Variants in SH2B2 observed in about 807,000 individuals in gnomAD.
SH2B2 encodes SH2B adapter protein 2.
A neutral mutation model predicts 35.7 loss-of-function variants in SH2B2; 37 were observed. The observed-to-expected ratio is 1.04, with a 90% CI of 0.80 to 1.36. The LOEUF (loss-of-function observed/expected upper bound fraction) is 1.36. Among genes scored for constraint, SH2B2 ranks in the 40% most tolerant of loss-of-function variants. The pLI, the probability that SH2B2 is intolerant of heterozygous loss-of-function variation, is 0.00. For synonymous variants in SH2B2, 383 were observed against 376.4 expected, an observed-to-expected ratio of 1.02 and a Z score of -0.20; for missense variants, 852 against 817.7, an observed-to-expected ratio of 1.04 and a Z score of -0.51.
At chr7:102,300,380 G>C (rs1793097755) in intron 1 of SH2B2, 142 bp from the exon 2 acceptor site, 2 of 1,089,814 alleles carry the variant, frequency 1.8e-6, no homozygotes, top group African/African-American at 1.7e-5. Flanking sequence ...ATGGCTGCCT[G>C]CTGTAGTCCC....
At chr7:102,285,487 C>T (rs1792409411), upstream of SH2B2, among the ~76,000 whole-genome samples, 1 of 152,226 alleles carries the variant, frequency 6.6e-6, no homozygotes, top group South Asian at 2.1e-4. Context: ...TGGCCTGGTC[C>T]TGCGGAGGGA....
At chr7:102,285,453 C>A (rs10253649), upstream of SH2B2, among the ~76,000 whole-genome samples, 9,462 of 152,222 alleles carry the variant, frequency 0.062, 585 homozygotes, top group African/African-American at 0.16. Flanking sequence ...GGCCCACTGC[C>A]GAAGCTTTCA....
intron 4 of SH2B2, chr7:102,309,330 A>T: frequency 2.9e-6 from 1 of 345,030 alleles, no homozygotes; most frequent in Non-Finnish European, 5.6e-6. Flanking sequence ...TGGGCAACAT[A>T]GCCAGACCCT....
At chr7:102,315,759 AAAAG>A (rs1793805622) in intron 6 of SH2B2, among the ~76,000 whole-genome samples, 5 of 144,580 alleles carry the variant, frequency 3.5e-5, no homozygotes, top group South Asian at 2.1e-4. Context: ...AAAAAAAAAA[AAAAG>A]AAAAGAAAAG....
At position 102,320,512 on chromosome 7, in the gene SH2B2, C is replaced by T. The variant is rs782351021; in HGVS notation, c.1567+10C>T. 2.5e-6 allele frequency: 4 copies of T among 1,611,142 alleles called. No homozygotes were observed. Among genetic ancestry groups the T allele is most frequent in the African/African-American group, 1.3e-5 (1 of 74,850 alleles). ...CAGGACCCCCCACCAGGTAAGATGC[C>T]GCCACCTGGCTGGTGTGATTACTCA... On this transcript the variant is annotated intron_variant, in intron 8 of 8. Transcript: ENST00000444095.
At chr7:102,288,350 T>C (rs1025667542) in intron 1 of SH2B2, among the ~76,000 whole-genome samples, 1 of 152,056 alleles carries the variant, frequency 6.6e-6, no homozygotes, top group Non-Finnish European at 1.5e-5. Flanking sequence ...TAGGCTAGTG[T>C]GGATCAGGGC....
intron 1 of SH2B2, among the ~76,000 whole-genome samples, chr7:102,295,581 G>A (rs1192728721): frequency 6.6e-6 from 1 of 152,188 alleles, no homozygotes; most frequent in Non-Finnish European, 1.5e-5. Flanking sequence ...CGCACTCTCT[G>A]TGTCAGATGG....
intron 4 of SH2B2, 49 bp from the exon 5 acceptor site, chr7:102,314,287 G>A (rs933820120): frequency 2.3e-5 from 9 of 398,460 alleles, no homozygotes; most frequent in Non-Finnish European, 3.1e-5. Context: ...CCTGTGGTCC[G>A]AGTCCAAGTC....
chr7:102,315,199 GAAAGA>G (rs1331830764), intron 6 of SH2B2, among the ~76,000 whole-genome samples: 2 of 151,154 alleles, frequency 1.3e-5, no homozygotes, highest in Admixed American at 6.6e-5. Context: ...AAAAAAAAAA[GAAAGA>G]AAAGAAAATG....
At chr7:102,301,555 T>C (rs1215669263) in intron 2 of SH2B2, among the ~76,000 whole-genome samples, 3 of 145,792 alleles carry the variant, frequency 2.1e-5, no homozygotes, top group African/African-American at 8.3e-5. Context: ...TGTGTGTGTG[T>C]GTCCGTGTGT....
chr7:102,290,251 T>A (rs1442031914), intron 1 of SH2B2, among the ~76,000 whole-genome samples: 4 of 151,512 alleles, frequency 2.6e-5, no homozygotes, highest in Admixed American at 1.3e-4. Flanking sequence ...CTTTTTTTTT[T>A]TTATTTTTTT....
chr7:102,314,041 G>A (rs1315938866), intron 4 of SH2B2, among the ~76,000 whole-genome samples: 6 of 152,238 alleles, frequency 3.9e-5, no homozygotes, highest in African/African-American at 1.4e-4. Flanking sequence ...AGGACTGAGA[G>A]ACAAGTAGGC....
intron 1 of SH2B2, among the ~76,000 whole-genome samples, chr7:102,290,229 C>A (rs1386979275): frequency 1.5e-5 from 2 of 130,514 alleles, no homozygotes; most frequent in Non-Finnish European, 1.6e-5. Flanking sequence ...TGGAACTTGG[C>A]TCCATACCCC....
intron 6 of SH2B2, among the ~76,000 whole-genome samples, chr7:102,316,488 G>A (rs1413352274): frequency 6.6e-6 from 1 of 152,108 alleles, no homozygotes; most frequent in Admixed American, 6.6e-5. Flanking sequence ...TTGGGAGGCT[G>A]AGGCAGGAGA....
chr7:102,303,266 C>T (rs1554554262), intron 2 of SH2B2, among the ~76,000 whole-genome samples: 1 of 151,966 alleles, frequency 6.6e-6, no homozygotes. Context: ...CCTGGTGGTC[C>T]CAAGAACGAA....
At chr7:102,313,130 TAAAAAAAAAAAA>T (rs1206179173) in intron 4 of SH2B2, among the ~76,000 whole-genome samples, 1 of 94,898 alleles carries the variant, frequency 1.1e-5, no homozygotes, top group Non-Finnish European at 2.1e-5. Context: ...AAACTCTGTC[TAAAAAAAAAAAA>T]AAAAAAAAAG....
chr7:102,314,603 C>G lies in SH2B2; in HGVS notation c.1107C>G (p.Ser369=). Residue 369 remains serine, a synonymous_variant, in exon 6 of 9, where the codon TCC becomes TCG. Transcript: ENST00000444095. ...HSRGRDAVRE[S]LIHVPLETFL... ...GAGGTCGAGATGCCGTCAGAGAATCCCTGATCCACGTCCCGCTAGAGACCT... is the reference window on the plus strand; with the variant it reads ...GAGGTCGAGATGCCGTCAGAGAATCGCTGATCCACGTCCCGCTAGAGACCT... 1 of 398,606 alleles carries G rather than the reference C, an allele frequency of 2.5e-6. No individual in the cohort carries two copies. The highest frequency in any genetic ancestry group is 1.3e-4 in the South Asian group (1 of 7,850). 24.7% of individuals were successfully genotyped at this position (398,606 alleles called of 1,614,324 possible). A position where few individuals can be genotyped will look rare whatever the true frequency, so the allele number is the denominator to read the frequency against.
At chr7:102,290,708 A>G (rs1792643118) in intron 1 of SH2B2, among the ~76,000 whole-genome samples, 1 of 152,180 alleles carries the variant, frequency 6.6e-6, no homozygotes, top group African/African-American at 2.4e-5. Context: ...TGCAATGGAG[A>G]AACAACTCTT....
intron 1 of SH2B2, among the ~76,000 whole-genome samples, chr7:102,291,379 C>G (rs2906713): frequency 0.86 from 130,782 of 152,212 alleles, 56,235 homozygotes; most frequent in East Asian, 0.93. Context: ...GCTGCTCAGG[C>G]CGAGCCTTGG....
Sources: allele counts gnomAD v4.1 joint callset (sites outside exome capture counted in the v4.1 genomes callset), GRCh38; gene constraint gnomAD v4.1.1; transcripts MANE v1.5; gene names NCBI Gene and HGNC (gene_info 2026-07-23, HGNC 2026-07-21).